Variants in PDE1C observed in about 807,000 individuals in gnomAD.
The protein encoded by PDE1C is phosphodiesterase 1C.
PDE1C carries 62 observed loss-of-function variants against 93.1 expected under a neutral mutation model. That is an observed-to-expected ratio of 0.67 (90% CI 0.54 to 0.82). PDE1C has a LOEUF of 0.82. Ranked by LOEUF, PDE1C falls within the 40% of genes least tolerant of loss-of-function variation. PDE1C has a pLI of 0.00. For synonymous variants in PDE1C, 325 were observed against 310.1 expected, an observed-to-expected ratio of 1.05 and a Z score of -0.50; for missense variants, 742 against 884.6, an observed-to-expected ratio of 0.84 and a Z score of 2.04.
the PDE1C span, chr7:31,643,075 A>T: frequency 3.7e-6 from 6 of 1,614,032 alleles, no homozygotes; most frequent in Non-Finnish European, 5.1e-6. Context: ...TCTGGGGTTT[A>T]TGGTAACCCA....
intron 6 of PDE1C, among the ~76,000 whole-genome samples, chr7:31,868,200 C>G (rs937097271): frequency 1.4e-4 from 21 of 152,088 alleles, no homozygotes; most frequent in African/African-American, 5.1e-4. Flanking sequence ...AGACCCCAAT[C>G]AAAATGAAAT....
the PDE1C span, chr7:31,656,110 T>C: frequency 1.3e-6 from 1 of 780,350 alleles, no homozygotes; most frequent in African/African-American, 1.9e-5. Flanking sequence ...TCCTTATTTT[T>C]TGAAACTCCT....
intron 1 of PDE1C, among the ~76,000 whole-genome samples, chr7:32,311,269 C>T (rs1389464405): frequency 6.6e-6 from 1 of 152,104 alleles, no homozygotes; most frequent in Non-Finnish European, 1.5e-5. Flanking sequence ...CAATAGCTTA[C>T]CAACCAAAAA....
At position 32,079,765 on chromosome 7, in the gene PDE1C, G is replaced by A. The variant is rs536002234; in HGVS notation, c.308+90020C>T. 1.5e-4 allele frequency among the ~76,000 whole-genome samples: 23 copies of A among 152,238 alleles called. No individual in the cohort carries two copies. The South Asian group carries it at 2.9e-3, about 19-fold the overall frequency. On this transcript the variant is annotated intron_variant, in intron 3 of 18. Coordinates refer to the PDE1C transcript ENST00000396193. ...GTGCCAAGAGTGGGGAGGCAGGAGC[G>A]GCCAGTCCTCTTACGGGCTAAGCCT...
chr7:31,775,123 G>T (rs914206482), intron 17 of PDE1C, among the ~76,000 whole-genome samples: 3 of 152,124 alleles, frequency 2.0e-5, no homozygotes, highest in African/African-American at 7.2e-5. Flanking sequence ...AGATTGGGTC[G>T]AACAGAGGTC....
intron 7 of PDE1C, among the ~76,000 whole-genome samples, chr7:31,857,775 C>A (rs1794202476): frequency 6.6e-6 from 1 of 152,134 alleles, no homozygotes; most frequent in Admixed American, 6.5e-5. Flanking sequence ...TTCTCATAAA[C>A]AAATAGCATA....
At chr7:32,216,751 G>GT (rs1806463901) in intron 1 of PDE1C, among the ~76,000 whole-genome samples, 1 of 152,126 alleles carries the variant, frequency 6.6e-6, no homozygotes, top group African/African-American at 2.4e-5. Flanking sequence ...GGCCACACAG[G>GT]TTTTTTATGG....
intron 1 of PDE1C, among the ~76,000 whole-genome samples, chr7:32,343,923 G>A (rs867871204): frequency 6.6e-6 from 1 of 152,098 alleles, no homozygotes; most frequent in South Asian, 2.1e-4. Context: ...ATTTTAAAAA[G>A]TCAACTGTAA....
chr7:32,066,702 T>C (rs1293446559), intron 1 of PDE1C, among the ~76,000 whole-genome samples: 2 of 152,134 alleles, frequency 1.3e-5, no homozygotes, highest in Non-Finnish European at 2.9e-5. Context: ...CACAGCCCTG[T>C]TTCCCTGACT....
chr7:31,706,884 T>C, the PDE1C span, among the ~76,000 whole-genome samples: 1 of 152,154 alleles, frequency 6.6e-6, no homozygotes, highest in African/African-American at 2.4e-5. Flanking sequence ...GGCAGAACTG[T>C]GAGTGCAAAG....
At chr7:31,714,868 G>A in the PDE1C span, among the ~76,000 whole-genome samples, 172 of 152,200 alleles carry the variant, frequency 1.1e-3, 2 homozygotes, top group Middle Eastern at 3.4e-3. Flanking sequence ...ATGAGATTTC[G>A]GTGGGGACAC....
chr7:32,064,426 C>G (rs1795144619), intron 1 of PDE1C, among the ~76,000 whole-genome samples: 1 of 152,314 alleles, frequency 6.6e-6, no homozygotes, highest in South Asian at 2.1e-4. Flanking sequence ...TTTCTCTACT[C>G]TAAATCTATG....
chr7:31,945,375 T>C (rs1806477518), intron 2 of PDE1C, among the ~76,000 whole-genome samples: 1 of 152,202 alleles, frequency 6.6e-6, no homozygotes. Context: ...TGTATCATTG[T>C]TCTCCTGGCT....
intron 17 of PDE1C, among the ~76,000 whole-genome samples, chr7:31,758,973 A>C (rs2128604431): frequency 6.6e-6 from 1 of 152,310 alleles, no homozygotes; most frequent in Middle Eastern, 3.4e-3. Flanking sequence ...CAGCATGAAG[A>C]AACATTTACC....
intron 16 of PDE1C, chr7:31,789,111 G>A (rs1300348422): frequency 6.6e-6 from 1 of 152,096 alleles, no homozygotes; most frequent in East Asian, 1.9e-4. Flanking sequence ...AGGACTCAGA[G>A]ATTCCTGTGT....
At chr7:31,657,867 A>T in the PDE1C span, among the ~76,000 whole-genome samples, 1 of 152,220 alleles carries the variant, frequency 6.6e-6, no homozygotes, top group Non-Finnish European at 1.5e-5. Context: ...GAAAAAAAAG[A>T]AAAAGTAAAA....
chr7:32,085,842 T>C (rs1252180804), intron 3 of PDE1C, among the ~76,000 whole-genome samples: 10 of 148,638 alleles, frequency 6.7e-5, no homozygotes, highest in South Asian at 2.2e-4. Context: ...TAGGTATTGA[T>C]GGGACGTATC....
chr7:31,763,059 G>GA, intron 17 of PDE1C, among the ~76,000 whole-genome samples: 1 of 152,144 alleles, frequency 6.6e-6, no homozygotes, highest in Admixed American at 6.5e-5. Flanking sequence ...GATCACCCTG[G>GA]AGTGGAGCCC....
intron 1 of PDE1C, among the ~76,000 whole-genome samples, chr7:32,314,821 C>A (rs1783133846): frequency 6.6e-6 from 1 of 151,916 alleles, no homozygotes; most frequent in South Asian, 2.1e-4. Flanking sequence ...CAGCTATTTG[C>A]TGAAATGACC....
Sources: gnomAD v4.1 joint callset for allele counts (sites outside exome capture counted in the v4.1 genomes callset) on GRCh38, gnomAD v4.1.1 for gene constraint, MANE v1.5 for transcripts, NCBI Gene and HGNC (gene_info 2026-07-23, HGNC 2026-07-21) for gene names.